The following ZBTB7C variants were observed in gnomAD, a reference collection of about 807,000 sequenced individuals.
ZBTB7C encodes zinc finger and BTB domain-containing protein 7C.
A neutral mutation model predicts 25.7 loss-of-function variants in ZBTB7C; 8 were observed. The observed-to-expected ratio is 0.31, with a 90% CI of 0.18 to 0.56. The LOEUF (loss-of-function observed/expected upper bound fraction) is 0.56. Ranked by LOEUF, ZBTB7C falls within the 20% of genes least tolerant of loss-of-function variation. ZBTB7C has a pLI of 0.91. For synonymous variants in ZBTB7C, 394 were observed against 369.0 expected, an observed-to-expected ratio of 1.07 and a Z score of -0.78; for missense variants, 824 against 855.2, an observed-to-expected ratio of 0.96 and a Z score of 0.46.
At chr18:48,345,335 G>A (rs2046702908) in intron 1 of ZBTB7C, among the ~76,000 whole-genome samples, 1 of 152,210 alleles carries the variant, frequency 6.6e-6, no homozygotes. Flanking sequence ...AGGATTACTA[G>A]GAGTGCTTGG....
chr18:48,285,629 G>A (rs1479871061), intron 2 of ZBTB7C, among the ~76,000 whole-genome samples: 2 of 152,170 alleles, frequency 1.3e-5, no homozygotes, highest in East Asian at 3.9e-4. Flanking sequence ...TGGGATTACA[G>A]GCATGAGCCA....
intron 2 of ZBTB7C, among the ~76,000 whole-genome samples, chr18:48,229,977 C>T (rs748870311): frequency 6.6e-6 from 1 of 152,230 alleles, no homozygotes; most frequent in Non-Finnish European, 1.5e-5. Flanking sequence ...CCCCACCTCC[C>T]TCCCTCCTGC....
intron 3 of ZBTB7C, among the ~76,000 whole-genome samples, chr18:48,049,602 G>C (rs1362421657): frequency 1.3e-5 from 2 of 152,036 alleles, no homozygotes; most frequent in Non-Finnish European, 1.5e-5. Context: ...CATTTGAACA[G>C]AGCCCTATCA....
chr18:48,304,703 T>C (rs529270780), intron 2 of ZBTB7C, among the ~76,000 whole-genome samples: 1 of 151,998 alleles, frequency 6.6e-6, no homozygotes, highest in East Asian at 1.9e-4. Flanking sequence ...TAGCTTGCCA[T>C]GGTGGCGCAC....
In ZBTB7C at chr18:48,040,719, C is replaced by A. The variant is rs1334299296; in HGVS notation, c.389G>T (p.Gly130Val). The A allele has an allele frequency of 6.2e-7, 1 of 1,614,042 alleles. No individual in the cohort carries two copies. Among genetic ancestry groups the A allele is most frequent in the Non-Finnish European group, 8.5e-7 (1 of 1,179,992 alleles). Residue 130 changes from glycine to valine, a missense_variant, in exon 4 of 5, where the codon GGG becomes GTG. Around this residue, in one of 4 missense-constraint regions of ZBTB7C, gnomAD observed 316 missense variants for 299.2 expected, o/e 1.06. Coordinates refer to ENST00000590800, the MANE Select transcript of ZBTB7C (RefSeq NM_001318841.2). Reference protein sequence around the residue: ...VNVCLEIMEPGGDGGEEDDKE... With the variant: ...VNVCLEIMEPVGDGGEEDDKE... ...GTCATCCTCCTCCCCCCCGTCCCCCCCAGGCTCCATGATCTCCAGGCACAC... is the reference window on the plus strand; with the variant it reads ...GTCATCCTCCTCCCCCCCGTCCCCCACAGGCTCCATGATCTCCAGGCACAC...
chr18:48,305,307 CCAAAA>C (rs1241625065), intron 2 of ZBTB7C, among the ~76,000 whole-genome samples: 3 of 152,136 alleles, frequency 2.0e-5, no homozygotes, highest in Non-Finnish European at 4.4e-5. Context: ...AGCTACGGTT[CCAAAA>C]CAAAAGGTTA....
At chr18:48,293,613 G>C (rs955521257) in intron 2 of ZBTB7C, among the ~76,000 whole-genome samples, 3 of 152,220 alleles carry the variant, frequency 2.0e-5, no homozygotes, top group African/African-American at 7.2e-5. Context: ...AATAAAAGCA[G>C]TCCAAAGACT....
At chr18:48,366,278 T>C (rs2047219232) in intron 1 of ZBTB7C, among the ~76,000 whole-genome samples, 1 of 152,084 alleles carries the variant, frequency 6.6e-6, no homozygotes, top group African/African-American at 2.4e-5. Context: ...AGGAATTATC[T>C]GAAAAAAGTT....
intron 3 of ZBTB7C, among the ~76,000 whole-genome samples, chr18:48,075,041 G>A (rs1047757705): frequency 7.2e-5 from 11 of 152,128 alleles, no homozygotes; most frequent in African/African-American, 9.7e-5. Flanking sequence ...ATCAAAGTGC[G>A]CAGAGAAGAG....
intron 3 of ZBTB7C, among the ~76,000 whole-genome samples, chr18:48,158,527 G>C (rs2040906137): frequency 6.6e-6 from 1 of 152,014 alleles, no homozygotes; most frequent in Non-Finnish European, 1.5e-5. Context: ...GGGTGGGGTG[G>C]GGGTGATAAA....
At chr18:48,155,834 A>C (rs1031235045) in intron 3 of ZBTB7C, among the ~76,000 whole-genome samples, 19 of 152,290 alleles carry the variant, frequency 1.2e-4, no homozygotes, top group South Asian at 8.3e-4. Context: ...TTAGACTAGA[A>C]AAACCAGATT....
chr18:48,361,871 G>A lies in ZBTB7C; in HGVS notation c.-303-23473C>T, dbSNP rs151197950. On this transcript the variant is annotated intron_variant, in intron 1 of 4. Coordinates refer to ENST00000590800, the MANE Select transcript of ZBTB7C (RefSeq NM_001318841.2). ...GAGAGGAAGGAACAGAAGCTGTGCA[G>A]ATTCAGCAAGTGTGGTCAGACACAC... 1.3e-3 allele frequency among the ~76,000 whole-genome samples: 199 copies of A among 152,326 alleles called. 2 individuals are homozygous for A. The highest frequency in any genetic ancestry group is 2.2e-3 in the Non-Finnish European group (150 of 68,026).
At chr18:48,061,559 C>G (rs1391887117) in intron 3 of ZBTB7C, among the ~76,000 whole-genome samples, 1 of 152,198 alleles carries the variant, frequency 6.6e-6, no homozygotes, top group African/African-American at 2.4e-5. Flanking sequence ...ATGAGTTTCA[C>G]GCACATATAT....
At chr18:48,385,237 C>T (rs1257205995) in intron 1 of ZBTB7C, among the ~76,000 whole-genome samples, 2 of 152,214 alleles carry the variant, frequency 1.3e-5, no homozygotes, top group African/African-American at 4.8e-5. Context: ...TCCGTCTTTA[C>T]TACTTTCTGG....
intron 3 of ZBTB7C, among the ~76,000 whole-genome samples, chr18:48,085,686 A>G (rs112335612): frequency 6.6e-6 from 1 of 152,252 alleles, no homozygotes; most frequent in African/African-American, 2.4e-5. Flanking sequence ...TTAGCTATCA[A>G]TATTATCTAA....
chr18:48,361,520 C>A (rs536546594), intron 1 of ZBTB7C, among the ~76,000 whole-genome samples: 1 of 152,282 alleles, frequency 6.6e-6, no homozygotes, highest in South Asian at 2.1e-4. Context: ...AGGCCTAAAA[C>A]ATATCATGGC....
At chr18:48,189,481 C>T (rs889190902) in intron 2 of ZBTB7C, among the ~76,000 whole-genome samples, 6 of 152,116 alleles carry the variant, frequency 3.9e-5, no homozygotes, top group African/African-American at 1.2e-4. Flanking sequence ...GGACAAGCCT[C>T]GTCCCCTCTG....
intron 3 of ZBTB7C, among the ~76,000 whole-genome samples, chr18:48,179,310 T>C (rs2041800380): frequency 6.6e-6 from 1 of 152,208 alleles, no homozygotes; most frequent in South Asian, 2.1e-4. Flanking sequence ...CCTGCATGGC[T>C]GAGCAAGGCT....
intron 2 of ZBTB7C, among the ~76,000 whole-genome samples, chr18:48,262,190 C>A (rs963147995): frequency 6.6e-6 from 1 of 152,150 alleles, no homozygotes; most frequent in East Asian, 1.9e-4. Context: ...GTAAAATGAC[C>A]GGCTCAAGGC....
Sources: allele counts gnomAD v4.1 joint callset (sites outside exome capture counted in the v4.1 genomes callset), GRCh38; gene constraint gnomAD v4.1.1; regional missense constraint gnomAD v4.1.1; transcripts MANE v1.5; gene names NCBI Gene and HGNC (gene_info 2026-07-23, HGNC 2026-07-21).